The following DGKH variants were observed in gnomAD, a reference collection of about 807,000 sequenced individuals.
The protein encoded by DGKH is diacylglycerol kinase eta, also known as DAG kinase eta.
In DGKH, 90 loss-of-function variants were observed where a neutral mutation model predicts 159.3. The ratio of observed to expected loss-of-function variants is 0.57; its 90% CI spans 0.48 to 0.67. DGKH has a LOEUF of 0.67. Ranked by LOEUF, DGKH falls within the 30% of genes least tolerant of loss-of-function variation. The pLI, the probability that DGKH is intolerant of heterozygous loss-of-function variation, is 0.00. For synonymous variants in DGKH, 536 were observed against 553.8 expected, an observed-to-expected ratio of 0.97 and a Z score of 0.45; for missense variants, 1,181 against 1,506.1, an observed-to-expected ratio of 0.78 and a Z score of 3.57.
At chr13:42,211,922 G>A (rs913782646) in intron 24 of DGKH, among the ~76,000 whole-genome samples, 1 of 152,068 alleles carries the variant, frequency 6.6e-6, no homozygotes, top group African/African-American at 2.4e-5. Context: ...CCATGATTCA[G>A]TTACCTCCCA....
At position 42,253,993 on chromosome 13, in the gene DGKH, CAA is replaced by C. The variant is rs199651278; in HGVS notation, n.4127+1527_4127+1528del. The stretch of plus-strand genomic sequence containing the variant: ...AGCCTCAAAATTGGGAGTGGGTTAC[CAA>C]AAAAAAAAAAAAAAGTATATTAATT... On this transcript the variant is annotated intron_variant and non_coding_transcript_variant, in intron 30 of 30. Transcript: ENST00000498255. Among the ~76,000 whole-genome samples, 838 of 104,976 alleles carry C rather than the reference CAA, an allele frequency of 8.0e-3. 5 individuals carry two copies. Among genetic ancestry groups the C allele is most frequent in the African/African-American group, 0.024 (733 of 30,524 alleles). The allele number at this position is 104,976 out of a possible 152,430, so 68.9% of individuals were successfully genotyped here. A position where few individuals can be genotyped will look rare whatever the true frequency, so the allele number is the denominator to read the frequency against.
At chr13:42,254,471 A>C (rs1958643093) in intron 30 of DGKH, among the ~76,000 whole-genome samples, 1 of 152,134 alleles carries the variant, frequency 6.6e-6, no homozygotes, top group South Asian at 2.1e-4. Context: ...GTCCCTACTG[A>C]AAATACAAAA....
intron 13 of DGKH, among the ~76,000 whole-genome samples, chr13:42,185,590 C>T (rs1956898372): frequency 6.6e-6 from 1 of 152,108 alleles, no homozygotes; most frequent in Non-Finnish European, 1.5e-5. Flanking sequence ...ATAATAATGG[C>T]AAGAAAAACC....
At chr13:42,105,801 G>A (rs567247151) in intron 1 of DGKH, among the ~76,000 whole-genome samples, 3 of 152,118 alleles carry the variant, frequency 2.0e-5, no homozygotes, top group South Asian at 2.1e-4. Context: ...TATGGCCTTC[G>A]ATATATGGTT....
downstream of DGKH, among the ~76,000 whole-genome samples, chr13:42,246,572 T>C (rs912133476): frequency 2.6e-5 from 4 of 152,132 alleles, no homozygotes; most frequent in African/African-American, 9.7e-5. Context: ...CTCACACCCT[T>C]GGAGTTGGGT....
chr13:42,092,623 G>A (rs1368346609), intron 1 of DGKH, among the ~76,000 whole-genome samples: 1 of 152,158 alleles, frequency 6.6e-6, no homozygotes, highest in African/African-American at 2.4e-5. Context: ...GGATGAAAGA[G>A]TCTGGTTAAT....
chr13:42,121,471 T>A (rs1194282807), intron 1 of DGKH, among the ~76,000 whole-genome samples: 1 of 152,238 alleles, frequency 6.6e-6, no homozygotes, highest in African/African-American at 2.4e-5. Flanking sequence ...TTGAGGAGCA[T>A]CTGTACTTAC....
chr13:42,062,200 C>A (rs558240025), intron 1 of DGKH, among the ~76,000 whole-genome samples: 6 of 152,290 alleles, frequency 3.9e-5, no homozygotes, highest in Admixed American at 3.9e-4. Flanking sequence ...CATGCAAACT[C>A]TTCTGTTTCC....
chr13:42,058,222 T>C (rs1177825327), intron 1 of DGKH, among the ~76,000 whole-genome samples: 1 of 152,218 alleles, frequency 6.6e-6, no homozygotes, highest in African/African-American at 2.4e-5. Context: ...GATAGATTCA[T>C]GGAAACTGAC....
intron 3 of DGKH, among the ~76,000 whole-genome samples, chr13:42,141,182 T>G (rs1376603652): frequency 1.3e-5 from 2 of 151,506 alleles, no homozygotes; most frequent in East Asian, 3.9e-4. Context: ...GATAGTTTGC[T>G]GAGAATCATG....
chr13:42,091,483 T>TA (rs1954416964), intron 1 of DGKH, among the ~76,000 whole-genome samples: 1 of 151,902 alleles, frequency 6.6e-6, no homozygotes, highest in South Asian at 2.1e-4. Flanking sequence ...ACAACCCAAT[T>TA]AAAAAAATGG....
intron 6 of DGKH, 22 bp downstream of exon 6, chr13:42,159,394 G>A: frequency 6.6e-7 from 1 of 1,506,670 alleles, no homozygotes; most frequent in Non-Finnish European, 9.2e-7. Flanking sequence ...CTCTGTCTCT[G>A]CTCTCTTCCC....
intron 1 of DGKH, among the ~76,000 whole-genome samples, chr13:42,079,682 C>T (rs1954164780): frequency 6.6e-6 from 1 of 152,168 alleles, no homozygotes; most frequent in African/African-American, 2.4e-5. Flanking sequence ...CCTCCCACCA[C>T]CTCCTAACTT....
At chr13:42,253,238 T>C (rs1958632830) in intron 30 of DGKH, among the ~76,000 whole-genome samples, 1 of 152,028 alleles carries the variant, frequency 6.6e-6, no homozygotes. Flanking sequence ...TGGGAAGTGA[T>C]TAGGTCATGA....
intron 1 of DGKH, among the ~76,000 whole-genome samples, chr13:42,083,910 C>G (rs893187160): frequency 6.6e-6 from 1 of 152,176 alleles, no homozygotes; most frequent in African/African-American, 2.4e-5. Flanking sequence ...AACCCACTTT[C>G]AAGAAGCATG....
rs143917876 is a variant in DGKH at position 42,189,969 on chromosome 13, G to A, written c.1913-434G>A. 6.3e-4 allele frequency among the ~76,000 whole-genome samples: 96 copies of A among 152,188 alleles called. 1 individual carries two copies. Among genetic ancestry groups the A allele is most frequent in the African/African-American group, 2.1e-3 (86 of 41,550 alleles). ...AGGCGTGAACCACTGCACCCTGCCA[G>A]AAAATATTTTCTTAACATTAATTTC... On this transcript the variant is annotated intron_variant, in intron 15 of 29. Transcript: ENST00000337343.
At chr13:42,140,923 TA>T (rs1955534283) in intron 3 of DGKH, 1 of 151,306 alleles carries the variant, frequency 6.6e-6, no homozygotes, top group African/African-American at 2.4e-5. Flanking sequence ...ATTTATTTTT[TA>T]TTTTTTTATT....
At chr13:42,174,760 C>T (rs958638525) in intron 12 of DGKH, among the ~76,000 whole-genome samples, 5 of 152,058 alleles carry the variant, frequency 3.3e-5, no homozygotes, top group Non-Finnish European at 5.9e-5. Context: ...GGCTGGAATG[C>T]GATGATGCAA....
chr13:42,190,177 C>A (rs1000421414), intron 15 of DGKH, among the ~76,000 whole-genome samples: 2 of 152,042 alleles, frequency 1.3e-5, no homozygotes, highest in Non-Finnish European at 2.9e-5. Flanking sequence ...CTCTAAAATT[C>A]TTATACTTTA....
Sources: gnomAD v4.1 joint callset for allele counts (sites outside exome capture counted in the v4.1 genomes callset) on GRCh38, gnomAD v4.1.1 for gene constraint, MANE v1.5 for transcripts, NCBI Gene and HGNC (gene_info 2026-07-23, HGNC 2026-07-21) for gene names.